The following TLL2 variants were observed in gnomAD, a reference collection of about 807,000 sequenced individuals.
The protein encoded by TLL2 is tolloid like 2.
TLL2 carries 106 observed loss-of-function variants against 123.0 expected under a neutral mutation model. The ratio of observed to expected loss-of-function variants is 0.86; its 90% CI spans 0.74 to 1.01. The LOEUF (loss-of-function observed/expected upper bound fraction) is 1.01. Among genes scored for constraint, TLL2 ranks in the 50% least tolerant of loss-of-function variants. The pLI is 0.00. For missense variants in TLL2, 1,332 were observed against 1,336.7 expected, an observed-to-expected ratio of 1.00 and a Z score of 0.06; for synonymous variants, 494 against 516.8, an observed-to-expected ratio of 0.96 and a Z score of 0.60.
chr10:96,388,393 T>C (rs980276187), intron 13 of TLL2, among the ~76,000 whole-genome samples: 5 of 152,204 alleles, frequency 3.3e-5, no homozygotes, highest in Non-Finnish European at 2.9e-5. Flanking sequence ...GGAGCAAGAC[T>C]CTGTCTCAAC....
In TLL2 at chr10:96,367,571, T is replaced by C. The variant is rs1255968666; in HGVS notation, c.*517A>G. On this transcript the variant is annotated 3_prime_UTR_variant, in exon 21 of 21. Coordinates refer to ENST00000357947, the MANE Select transcript of TLL2 (RefSeq NM_012465.4). ...TGCCTTTTTTTAGTCCTGACATCCA[T>C]CCATATTTTCAGGTTTCTTGGTTGA... The C allele has an allele frequency of 1.3e-5, 2 of 154,642 alleles. No individual in the cohort carries two copies. The highest frequency in any genetic ancestry group is 2.9e-5 in the Non-Finnish European group (2 of 69,482). 9.6% of individuals were successfully genotyped at this position (154,642 alleles called of 1,614,324 possible).
At chr10:96,416,517 G>C (rs973621264) in intron 7 of TLL2, among the ~76,000 whole-genome samples, 24 of 152,192 alleles carry the variant, frequency 1.6e-4, no homozygotes, top group African/African-American at 5.1e-4. Context: ...CCAGGGCACA[G>C]AGGTAGTCAT....
rs190953975 is a variant in TLL2, at chr10:96,482,691, T to C, written c.176-2232A>G. Among the ~76,000 whole-genome samples, 551 of 152,350 alleles carry C rather than the reference T, an allele frequency of 3.6e-3. 4 individuals are homozygous for C. Among genetic ancestry groups the C allele is most frequent in the Admixed American group, 5.9e-3 (91 of 15,306 alleles). ...GGCAGAAACAAGGATCGACTGTAAA[T>C]GAACATGCAGAAATTTGGGGGTTGC... is the stretch of plus-strand genomic sequence containing the variant. On this transcript the variant is annotated intron_variant, in intron 1 of 20. Transcript: ENST00000357947.
chr10:96,392,917 G>A (rs1589410119), intron 13 of TLL2, among the ~76,000 whole-genome samples: 1 of 152,198 alleles, frequency 6.6e-6, no homozygotes, highest in African/African-American at 2.4e-5. Context: ...CACCAGGTCC[G>A]TGTAAGGCAA....
At chr10:96,398,431 T>C (rs770127724) in intron 10 of TLL2, among the ~76,000 whole-genome samples, 5 of 152,174 alleles carry the variant, frequency 3.3e-5, no homozygotes, top group Admixed American at 2.0e-4. Flanking sequence ...GACATACAAA[T>C]TGACCAAAAC....
intron 16 of TLL2, among the ~76,000 whole-genome samples, chr10:96,380,692 C>CAAAAAA (rs57395382): frequency 3.8e-5 from 2 of 53,060 alleles, no homozygotes; most frequent in African/African-American, 7.8e-5. Context: ...GACTCTATCT[C>CAAAAAA]AAAAAAAAAA....
intron 1 of TLL2, among the ~76,000 whole-genome samples, chr10:96,512,020 T>C (rs562593874): frequency 1.3e-5 from 2 of 152,350 alleles, no homozygotes; most frequent in African/African-American, 4.8e-5. Flanking sequence ...TGCTACCTGC[T>C]GAGGTTTTCT....
At position 96,405,350 on chromosome 10, in the gene TLL2, A is replaced by ATTT. The variant is rs760216763; in HGVS notation, c.1165-17_1165-16insAAA. The ATTT allele has an allele frequency of 6.2e-7, 1 of 1,613,274 alleles. No homozygotes were observed. The highest frequency in any genetic ancestry group is 8.5e-7 in the Non-Finnish European group (1 of 1,179,246). On this transcript the variant is annotated splice_polypyrimidine_tract_variant and intron_variant, in intron 9 of 20. Coordinates refer to ENST00000357947, the MANE Select transcript of TLL2 (RefSeq NM_012465.4). ...TTAATACGATCTGTAAAGAATTACC[A>ATTT]TAAAGTGAGTTTTGGCAGCAAAGCC...
intron 2 of TLL2, among the ~76,000 whole-genome samples, chr10:96,478,143 CG>C (rs1213387658): frequency 6.6e-6 from 1 of 152,214 alleles, no homozygotes; most frequent in Non-Finnish European, 1.5e-5. Flanking sequence ...CTCTAGCAGC[CG>C]GGTATGCAGC....
rs116123834 is a variant in TLL2, at chr10:96,499,115, G to A, written c.175+14396C>T. ...CAGTAAAAGACATTGGAAGGATACC[G>A]CAAATAGAAGAGGGGATTGCTCTTC... On this transcript the variant is annotated intron_variant, in intron 1 of 20. Coordinates refer to ENST00000357947, the MANE Select transcript of TLL2 (RefSeq NM_012465.4). Among the ~76,000 whole-genome samples the A allele has an allele frequency of 8.5e-3, 1,292 of 152,286 alleles. 16 individuals carry two copies. The highest frequency in any genetic ancestry group is 0.026 in the African/African-American group (1,064 of 41,548).
intron 14 of TLL2, 117 bp downstream of exon 14, chr10:96,386,836 G>T: frequency 1.4e-6 from 2 of 1,463,548 alleles, no homozygotes; most frequent in Non-Finnish European, 1.9e-6. Context: ...CTTCCACCAT[G>T]TCTGCCCATT....
chr10:96,491,969 G>A (rs1229646296), intron 1 of TLL2, among the ~76,000 whole-genome samples: 1 of 152,128 alleles, frequency 6.6e-6, no homozygotes, highest in Non-Finnish European at 1.5e-5. Context: ...TGCCATGTGT[G>A]TGCCTGATTT....
Position 96,387,001 on chromosome 10 carries a change from C to A in TLL2, c.1804G>T (p.Ala602Ser). The change falls in exon 14 of 21, where the codon GCC becomes TCC. Residue 602 changes from alanine to serine, a missense_variant. Physicochemically the swap from Ala to Ser is moderately conservative, Grantham distance 99. Transcript: ENST00000357947. ...CVNTLGSYKC[A>S]CDPGYELAAD... ...GCCAGCTCGTAGCCAGGGTCACAGGCACACTTGTAGCTGCCCAGCGTGTTC... is the reference window on the plus strand; with the variant it reads ...GCCAGCTCGTAGCCAGGGTCACAGGAACACTTGTAGCTGCCCAGCGTGTTC... 2 of 1,614,126 alleles carry A rather than the reference C, an allele frequency of 1.2e-6. No homozygotes were observed.
chr10:96,395,459 A>G (rs1387356612), intron 12 of TLL2, 77 bp from the exon 13 acceptor site: 1 of 1,420,996 alleles, frequency 7.0e-7, no homozygotes, highest in Non-Finnish European at 9.4e-7. Context: ...GAGAACCCAA[A>G]TATCACTCTC....
intron 10 of TLL2, among the ~76,000 whole-genome samples, chr10:96,400,357 C>CAAAAAAAAA (rs55975748): frequency 4.5e-5 from 5 of 109,894 alleles, no homozygotes; most frequent in Non-Finnish European, 5.5e-5. Flanking sequence ...CTACTACCAT[C>CAAAAAAAAA]AAAAAAAAAA....
chr10:96,409,103 G>T (rs1478194106), intron 9 of TLL2, among the ~76,000 whole-genome samples: 1 of 152,158 alleles, frequency 6.6e-6, no homozygotes, highest in African/African-American at 2.4e-5. Flanking sequence ...ATACCTGAAG[G>T]TTGGCTACAG....
At chr10:96,374,222 C>T in intron 18 of TLL2, 1 of 208,692 alleles carries the variant, frequency 4.8e-6, no homozygotes, top group Non-Finnish European at 9.7e-6. Flanking sequence ...AGTGCCCACT[C>T]TGTCGGCAGC....
chr10:96,513,392 G>C lies in TLL2; in HGVS notation c.175+119C>G. The C allele has an allele frequency of 1.3e-5, 16 of 1,262,742 alleles. No homozygotes were observed. The South Asian group carries it at 1.7e-4, about 13-fold the overall frequency. The allele number at this position is 1,262,742 out of a possible 1,614,324, so 78.2% of individuals were successfully genotyped here. On this transcript the variant is annotated intron_variant, in intron 1 of 20. Coordinates refer to ENST00000357947, the MANE Select transcript of TLL2 (RefSeq NM_012465.4). The stretch of plus-strand genomic sequence containing the variant: ...GAGGCATTGTCTTCCGGGGGAGCCG[G>C]GGATCTCAGGGGAGGGGAGGGGAGA...
chr10:96,479,499 C>T (rs1053062285), intron 2 of TLL2, among the ~76,000 whole-genome samples: 2 of 152,226 alleles, frequency 1.3e-5, no homozygotes, highest in African/African-American at 2.4e-5. Context: ...AACCCTCCCC[C>T]CAGCACCATC....
Sources: gnomAD v4.1 joint callset for allele counts (sites outside exome capture counted in the v4.1 genomes callset) on GRCh38, gnomAD v4.1.1 for gene constraint, MANE v1.5 for transcripts, NCBI Gene and HGNC (gene_info 2026-07-23, HGNC 2026-07-21) for gene names.